The following MALRD1 variants were observed in gnomAD, a reference collection of about 807,000 sequenced individuals.
The protein encoded by MALRD1 is MAM and LDL-receptor class A domain-containing protein 1.
Under a neutral mutation model 242.1 loss-of-function variants are expected in MALRD1, and 247 were observed. That is an observed-to-expected ratio of 1.02 (90% CI 0.92 to 1.13). MALRD1 has a LOEUF of 1.13. Ranked by LOEUF, MALRD1 falls within the 50% of genes most tolerant of loss-of-function variation. The pLI is 0.00. For synonymous variants in MALRD1, 995 were observed against 866.6 expected, an observed-to-expected ratio of 1.15 and a Z score of -2.60; for missense variants, 2,989 against 2,533.1, an observed-to-expected ratio of 1.18 and a Z score of -3.86.
intron 12 of MALRD1, among the ~76,000 whole-genome samples, chr10:19,158,817 A>G (rs1834275461): frequency 6.6e-6 from 1 of 152,204 alleles, no homozygotes; most frequent in African/African-American, 2.4e-5. Flanking sequence ...ATAACACTCT[A>G]CAAATCTCTC....
At chr10:19,512,915 G>A (rs1033734616) in intron 31 of MALRD1, among the ~76,000 whole-genome samples, 4 of 152,114 alleles carry the variant, frequency 2.6e-5, no homozygotes, top group Non-Finnish European at 5.9e-5. Flanking sequence ...ACTCAGGAAG[G>A]ACGAAGTGGT....
At position 19,508,511 on chromosome 10, in the gene MALRD1, A is replaced by G. The variant is rs563601199; in HGVS notation, c.5320+9865A>G. ...TCAAAACACTTTCTCCTGAACCTAT[A>G]CTGTCCAATGTGTTAGCAACTAGCC... On this transcript the variant is annotated intron_variant, in intron 31 of 39. Transcript: ENST00000454679. 4.6e-5 allele frequency among the ~76,000 whole-genome samples: 7 copies of G among 152,338 alleles called. No homozygotes were observed. In the South Asian group the frequency reaches 1.4e-3, roughly 32 times the overall value.
intron 34 of MALRD1, among the ~76,000 whole-genome samples, chr10:19,606,194 C>A (rs543378899): frequency 6.6e-6 from 1 of 152,122 alleles, no homozygotes; most frequent in African/African-American, 2.4e-5. Context: ...TATGAAAGAA[C>A]TGGCAATATC....
At chr10:19,328,378 C>T (rs1045193457) in intron 23 of MALRD1, among the ~76,000 whole-genome samples, 1 of 152,082 alleles carries the variant, frequency 6.6e-6, no homozygotes, top group Non-Finnish European at 1.5e-5. Flanking sequence ...TTTGAATAAG[C>T]AGAGTGAGAA....
chr10:19,184,687 A>G (rs1835661278), intron 14 of MALRD1, among the ~76,000 whole-genome samples: 1 of 151,988 alleles, frequency 6.6e-6, no homozygotes, highest in South Asian at 2.1e-4. Flanking sequence ...TGGCTAGACT[A>G]CAGGTGAGCA....
At chr10:19,662,710 C>T (rs1267332569) in intron 36 of MALRD1, among the ~76,000 whole-genome samples, 1 of 152,124 alleles carries the variant, frequency 6.6e-6, no homozygotes, top group African/African-American at 2.4e-5. Context: ...CTGTATATAA[C>T]TTTGGAAAAC....
In MALRD1 at chr10:19,171,429, C is replaced by CATATATAT. The variant is rs71387049; in HGVS notation, c.1831-3757_1831-3750dup. Among the ~76,000 whole-genome samples, 39 of 61,422 alleles carry CATATATAT rather than the reference C, an allele frequency of 6.3e-4. 1 individual carries two copies. Among genetic ancestry groups the CATATATAT allele is most frequent in the Admixed American group, 1.8e-3 (9 of 5,094 alleles). The allele number at this position is 61,422 out of a possible 152,430, so 40.3% of individuals were successfully genotyped here. ...GTCACAACATTTTATATTTTATATA[C>CATATATAT]ATATATATATATATATATATATATA... On this transcript the variant is annotated intron_variant, in intron 13 of 39. Transcript: ENST00000454679.
chr10:19,232,573 T>C (rs1009239543), intron 18 of MALRD1, among the ~76,000 whole-genome samples: 1 of 152,140 alleles, frequency 6.6e-6, no homozygotes, highest in African/African-American at 2.4e-5. Flanking sequence ...ATGTGCCTGT[T>C]TTGTGCAGGG....
At position 19,119,880 on chromosome 10, in the gene MALRD1, G is replaced by A. The variant is rs113050522; in HGVS notation, c.695-3612G>A. 8.5e-3 allele frequency among the ~76,000 whole-genome samples: 1,288 copies of A among 152,306 alleles called. 21 individuals are homozygous for A. The highest frequency in any genetic ancestry group is 0.03 in the African/African-American group (1,228 of 41,564). ...ACCCAGGAATGAGCAAGGACAGCTTGGAAGTTAGAAGCAAGATGGAGTCGA... is the reference window on the plus strand; with the variant it reads ...ACCCAGGAATGAGCAAGGACAGCTTAGAAGTTAGAAGCAAGATGGAGTCGA... On this transcript the variant is annotated intron_variant, in intron 5 of 39. Coordinates refer to ENST00000454679, the MANE Select transcript of MALRD1 (RefSeq NM_001142308.3).
intron 29 of MALRD1, among the ~76,000 whole-genome samples, chr10:19,458,153 T>C (rs1835757700): frequency 6.6e-6 from 1 of 152,172 alleles, no homozygotes; most frequent in Non-Finnish European, 1.5e-5. Flanking sequence ...TATAGAAGAA[T>C]CCATACATTT....
chr10:19,302,691 C>A lies in MALRD1; in HGVS notation c.3419+19510C>A, dbSNP rs180689165. Among the ~76,000 whole-genome samples the A allele has an allele frequency of 7.9e-5, 12 of 151,792 alleles. No individual in the cohort carries two copies. In the South Asian group the frequency reaches 1.9e-3, roughly 24 times the overall value. ...CCTGGAATTTAATAGAGATTGACAACTCTGAATATACTAAAATTCTCTACG... is the reference window on the plus strand; with the variant it reads ...CCTGGAATTTAATAGAGATTGACAAATCTGAATATACTAAAATTCTCTACG... On this transcript the variant is annotated intron_variant, in intron 21 of 39. Transcript: ENST00000454679.
At chr10:19,431,909 C>T (rs571629108) in intron 28 of MALRD1, among the ~76,000 whole-genome samples, 139 of 152,242 alleles carry the variant, frequency 9.1e-4, no homozygotes, top group African/African-American at 3.3e-3. Flanking sequence ...GCTGCCTTTA[C>T]TTATTACTCC....
intron 21 of MALRD1, among the ~76,000 whole-genome samples, chr10:19,297,045 C>G (rs1034811444): frequency 6.6e-6 from 1 of 150,840 alleles, no homozygotes; most frequent in Non-Finnish European, 1.5e-5. Context: ...ATCCTTGATT[C>G]CATTTAGTGC....
At chr10:19,516,205 TA>T (rs1361105393) in intron 31 of MALRD1, among the ~76,000 whole-genome samples, 1 of 152,208 alleles carries the variant, frequency 6.6e-6, no homozygotes, top group East Asian at 1.9e-4. Context: ...TACCAAAGAC[TA>T]TCCCAGATCA....
At chr10:19,222,708 T>G (rs1837615270) in intron 18 of MALRD1, among the ~76,000 whole-genome samples, 2 of 152,176 alleles carry the variant, frequency 1.3e-5, no homozygotes, top group Admixed American at 1.3e-4. Context: ...TCCAGACTTG[T>G]TTGAATCATG....
Position 19,389,525 on chromosome 10 carries a change from G to A in MALRD1, c.4761G>A (p.Trp1587Ter). 1 of 1,550,648 alleles carries A rather than the reference G, an allele frequency of 6.4e-7. No homozygotes were observed. Among genetic ancestry groups the A allele is most frequent in the South Asian group, 1.2e-5 (1 of 84,050 alleles). Residue 1587 changes from tryptophan (W) to a stop codon, truncating the protein, a stop_gained, in exon 28 of 40, where the codon TGG becomes TGA. Transcript: ENST00000454679. LOFTEE classifies it high-confidence loss of function. Reference protein sequence around the residue: ...GDKAHFRSTMWRESSAACTMS... With the variant: ...GDKAHFRSTM ...AAGCACACTTCAGGAGTACCATGTGGCGAGAATCCAGTGCAGCCTGCACCA... is the reference window on the plus strand; with the variant it reads ...AAGCACACTTCAGGAGTACCATGTGACGAGAATCCAGTGCAGCCTGCACCA...
intron 31 of MALRD1, among the ~76,000 whole-genome samples, chr10:19,519,039 CTCTT>C (rs1833764116): frequency 2.0e-5 from 3 of 152,100 alleles, no homozygotes; most frequent in Non-Finnish European, 4.4e-5. Flanking sequence ...AAAGCTTTCT[CTCTT>C]TTTCTGTCTT....
intron 36 of MALRD1, among the ~76,000 whole-genome samples, chr10:19,663,893 A>G (rs1285224853): frequency 6.6e-6 from 1 of 151,992 alleles, no homozygotes; most frequent in Non-Finnish European, 1.5e-5. Context: ...TTTCGGCTAG[A>G]CAGAACAGGC....
chr10:19,233,391 A>C (rs758476431), intron 18 of MALRD1, among the ~76,000 whole-genome samples: 1 of 152,074 alleles, frequency 6.6e-6, no homozygotes, highest in Non-Finnish European at 1.5e-5. Flanking sequence ...CATCCCAGCT[A>C]CTCGGGAGGC....
Sources: gnomAD v4.1 joint callset for allele counts (sites outside exome capture counted in the v4.1 genomes callset) on GRCh38, gnomAD v4.1.1 for gene constraint, MANE v1.5 for transcripts, NCBI Gene and HGNC (gene_info 2026-07-23, HGNC 2026-07-21) for gene names.